The following ASXL2 variants were observed in gnomAD, a reference collection of about 807,000 sequenced individuals.
ASXL2 encodes putative Polycomb group protein ASXL2.
A neutral mutation model predicts 122.0 loss-of-function variants in ASXL2; 23 were observed. The observed-to-expected ratio is 0.19, with a 90% CI of 0.14 to 0.27. The LOEUF is 0.27. Ranked by LOEUF, ASXL2 falls within the 10% of genes least tolerant of loss-of-function variation. The pLI, the probability that ASXL2 is intolerant of heterozygous loss-of-function variation, is 1.00. For missense variants in ASXL2, 1,518 were observed against 1,713.8 expected, an observed-to-expected ratio of 0.89 and a Z score of 2.02; for synonymous variants, 650 against 637.0, an observed-to-expected ratio of 1.02 and a Z score of -0.31.
In ASXL2 at chr2:25,864,241, G is replaced by GAT. The variant is rs370430709; in HGVS notation, c.57+13923_57+13924dup. On this transcript the variant is annotated intron_variant, in intron 1 of 12. Coordinates refer to ENST00000435504, the MANE Select transcript of ASXL2 (RefSeq NM_018263.6). ...TAAGAAAACACTCTTAATGCCAGGC[G>GAT]ATACGCCTTCAATTTACCTTACTGG... 2.9e-4 allele frequency among the ~76,000 whole-genome samples: 44 copies of GAT among 152,196 alleles called. No homozygotes were observed. In the East Asian group the frequency reaches 7.7e-3, roughly 27 times the overall value.
Position 25,744,262 on chromosome 2 carries a change from C to T in ASXL2, c.2075G>A (p.Gly692Glu). The T allele has an allele frequency of 1.2e-6, 2 of 1,613,970 alleles. No individual in the cohort carries two copies. The highest frequency in any genetic ancestry group is 1.7e-6 in the Non-Finnish European group (2 of 1,179,886). ...AAASVGGTIP[G>E]PGPGGGQGPG... is the part of the protein sequence containing the mutation. The stretch of plus-strand genomic sequence containing the variant: ...ACCTTGTCCACCCCCTGGGCCAGGT[C>T]CTGGAATGGTCCCTCCAACTGAGGC... The change falls in exon 13 of 13, where the codon GGA (glycine) becomes GAA (glutamate). Residue 692 changes from glycine to glutamate, a missense_variant. By Grantham distance (98) the Gly-to-Glu change is moderately conservative. Around this residue, in one of 8 missense-constraint regions of ASXL2, gnomAD observed 48 missense variants for 82.1 expected, o/e 0.58. Coordinates refer to ENST00000435504, the MANE Select transcript of ASXL2 (RefSeq NM_018263.6). The surrounding 1 kb of genome is among the most constrained non-coding windows in gnomAD (Gnocchi z 4.7).
intron 3 of ASXL2, among the ~76,000 whole-genome samples, chr2:25,819,177 T>C (rs960525069): frequency 1.3e-5 from 2 of 152,210 alleles, no homozygotes; most frequent in African/African-American, 4.8e-5. Context: ...AACTCAGCCC[T>C]GACCAACGCT....
rs527794813 is a variant in ASXL2 at position 25,828,835 on chromosome 2, A to C, written c.143+6703T>G. ...GTGAGACTGTGTCTCAAAAAAAAAA[A>C]AAAAAAAAAAAAACAACAACCTTGT... On this transcript the variant is annotated intron_variant, in intron 3 of 12. Coordinates refer to ENST00000435504, the MANE Select transcript of ASXL2 (RefSeq NM_018263.6). Among the ~76,000 whole-genome samples, 234 of 150,950 alleles carry C rather than the reference A, an allele frequency of 1.6e-3. 2 individuals are homozygous for C. Among genetic ancestry groups the C allele is most frequent in the African/African-American group, 5.4e-3 (223 of 41,242 alleles).
intron 2 of ASXL2, among the ~76,000 whole-genome samples, chr2:25,842,769 CGTGTGTGTGTGTGT>C (rs70950126): frequency 6.9e-6 from 1 of 145,072 alleles, no homozygotes; most frequent in African/African-American, 2.6e-5. Flanking sequence ...CGTGTGTGCA[CGTGTGTGTGTGTGT>C]GTGTGTGTGT....
intron 1 of ASXL2, among the ~76,000 whole-genome samples, chr2:25,875,228 T>C (rs140955402): frequency 9.2e-5 from 14 of 152,344 alleles, no homozygotes; most frequent in African/African-American, 3.4e-4. Context: ...CCATCACCTT[T>C]CTCTGGTGTC....
At chr2:25,857,128 A>G (rs899172933) in intron 1 of ASXL2, among the ~76,000 whole-genome samples, 2 of 150,658 alleles carry the variant, frequency 1.3e-5, no homozygotes, top group African/African-American at 4.9e-5. Context: ...CAATAAAGCA[A>G]TTCAAAAAAC....
At chr2:25,756,465 G>GAAAAAAAAAAAAAAAAAAAAA in intron 9 of ASXL2, among the ~76,000 whole-genome samples, 1 of 91,422 alleles carries the variant, frequency 1.1e-5, no homozygotes, top group Non-Finnish European at 2.3e-5. Flanking sequence ...AAAAAAAAAA[G>GAAAAAAAAAAAAAAAAAAAAA]AAAAAAAAAA....
At chr2:25,817,701 A>G (rs1379334014) in intron 3 of ASXL2, among the ~76,000 whole-genome samples, 1 of 152,214 alleles carries the variant, frequency 6.6e-6, no homozygotes, top group East Asian at 1.9e-4. Context: ...ATTAAAAACA[A>G]AACAAAAACT....
intron 3 of ASXL2, among the ~76,000 whole-genome samples, chr2:25,819,714 C>T (rs1559520262): frequency 6.6e-6 from 1 of 152,092 alleles, no homozygotes; most frequent in Non-Finnish European, 1.5e-5. Context: ...AGTAAAGATA[C>T]ATGAAAACTA....
At chr2:25,853,081 C>A (rs551429856) in intron 1 of ASXL2, among the ~76,000 whole-genome samples, 1 of 152,166 alleles carries the variant, frequency 6.6e-6, no homozygotes, top group African/African-American at 2.4e-5. Context: ...CCTGCATATC[C>A]CATCTTCCCC....
chr2:25,835,724 TATC>T (rs1163493995), intron 2 of ASXL2, among the ~76,000 whole-genome samples, 184 bp from the exon 3 acceptor site: 1 of 152,150 alleles, frequency 6.6e-6, no homozygotes, highest in African/African-American at 2.4e-5. Context: ...TAGCCAAAAA[TATC>T]ATATCAAAAT....
In ASXL2 at chr2:25,742,764, T is replaced by C; in HGVS notation, c.3573A>G (p.Glu1191=). The change falls in exon 13 of 13, where the codon GAA becomes GAG. Residue 1191 remains glutamate (E), a synonymous_variant. Transcript: ENST00000435504. ...TDEESTGDEQ[E]SVTVKEEPQV... is the part of the protein sequence containing the mutation. The stretch of plus-strand genomic sequence containing the variant: ...GGGGCTCCTCTTTCACTGTGACAGA[T>C]TCCTGCTCATCACCAGTACTTTCCT... 6.2e-7 allele frequency: 1 copy of C among 1,614,000 alleles called. No individual in the cohort carries two copies. Among genetic ancestry groups the C allele is most frequent in the Admixed American group, 1.7e-5 (1 of 60,028 alleles).
chr2:25,798,302 C>T (rs1022652870), intron 5 of ASXL2, among the ~76,000 whole-genome samples: 1 of 152,088 alleles, frequency 6.6e-6, no homozygotes, highest in Non-Finnish European at 1.5e-5. Context: ...CAAACCTGCA[C>T]CTGTACCCCT....
At chr2:25,785,981 C>G (rs2088737433) in intron 5 of ASXL2, among the ~76,000 whole-genome samples, 1 of 152,148 alleles carries the variant, frequency 6.6e-6, no homozygotes, top group Admixed American at 6.5e-5. Flanking sequence ...TAAACGCAAA[C>G]TATGAGCAAA....
intron 5 of ASXL2, among the ~76,000 whole-genome samples, chr2:25,773,156 C>T (rs933742843): frequency 5.3e-5 from 8 of 150,282 alleles, no homozygotes; most frequent in Non-Finnish European, 8.9e-5. Context: ...TGCAGTGAGC[C>T]GAGATCGCAC....
At position 25,790,376 on chromosome 2, in the gene ASXL2, TA is replaced by T. The variant is rs576916237; in HGVS notation, c.403+9008del. ...AGCAAGGTTTCCTAGGACTACATCT[TA>T]AAAAAAAAAACAAAAACAGAACTAT... On this transcript the variant is annotated intron_variant, in intron 5 of 12. Transcript: ENST00000435504. Among the ~76,000 whole-genome samples, 784 of 134,470 alleles carry T rather than the reference TA, an allele frequency of 5.8e-3. 4 individuals are homozygous for T. Among genetic ancestry groups the T allele is most frequent in the African/African-American group, 0.015 (530 of 36,296 alleles). 88.2% of individuals were successfully genotyped at this position (134,470 alleles called of 152,430 possible). A position where few individuals can be genotyped will look rare whatever the true frequency, so the allele number is the denominator to read the frequency against.
chr2:25,821,709 T>C (rs1315971474), intron 3 of ASXL2, among the ~76,000 whole-genome samples: 1 of 152,180 alleles, frequency 6.6e-6, no homozygotes, highest in Non-Finnish European at 1.5e-5. Flanking sequence ...AAGCACTTGA[T>C]CACTTGACTA....
At chr2:25,767,283 T>C (rs890539956) in intron 8 of ASXL2, among the ~76,000 whole-genome samples, 10 of 152,160 alleles carry the variant, frequency 6.6e-5, no homozygotes, top group Admixed American at 3.3e-4. Context: ...AAATGACTGA[T>C]AATAGATCTT....
At chr2:25,778,793 T>C (rs2088587004) in intron 5 of ASXL2, among the ~76,000 whole-genome samples, 1 of 152,118 alleles carries the variant, frequency 6.6e-6, no homozygotes, top group African/African-American at 2.4e-5. Context: ...CCCAGGCAAA[T>C]CTTACATAAC....
Sources: gnomAD v4.1 joint callset for allele counts (sites outside exome capture counted in the v4.1 genomes callset) on GRCh38, gnomAD v4.1.1 for gene constraint, gnomAD v4.1.1 regional missense constraint, Gnocchi (gnomAD v3.1) non-coding constraint, MANE v1.5 for transcripts, NCBI Gene and HGNC (gene_info 2026-07-23, HGNC 2026-07-21) for gene names.